VPS13B: variants seen among roughly 807,000 people sequenced by gnomAD.
VPS13B encodes the protein vacuolar protein sorting 13 homolog B, also known as intermembrane lipid transfer protein VPS13B.
A neutral mutation model predicts 426.4 loss-of-function variants in VPS13B; 285 were observed. That is an observed-to-expected ratio of 0.67 (90% confidence interval 0.61 to 0.74). The LOEUF is 0.74. Ranked by LOEUF, VPS13B falls within the 30% of genes least tolerant of loss-of-function variation. The pLI, the probability that VPS13B is intolerant of heterozygous loss-of-function variation, is 0.00. For synonymous variants in VPS13B, 1,676 were observed against 1,676.4 expected (o/e 1.00, Z 0.01); for missense variants, 4,537 against 4,782.6 (o/e 0.95, Z 1.51).
At chr8:99,802,621 C>T (rs1156248161) in intron 43 of VPS13B, among the ~76,000 whole-genome samples, 5 of 152,092 alleles carry the variant, frequency 3.3e-5, no homozygotes, top group African/African-American at 1.2e-4. Flanking sequence ...TGGCTTATTT[C>T]TAGCCTTTTT....
chr8:99,769,805 G>T lies in VPS13B; in HGVS notation c.7247+2835G>T, dbSNP rs76888847. The stretch of plus-strand genomic sequence containing the variant: ...AACTGAGACTTTAAGGAATGAATAG[G>T]CACTAACCAGTTCAATGGATGACAG... On this transcript the variant is annotated intron_variant, in intron 40 of 61. Transcript: ENST00000357162. Among the ~76,000 whole-genome samples, 247 of 152,154 alleles carry T rather than the reference G, an allele frequency of 1.6e-3. 2 individuals carry two copies. In the East Asian group the frequency reaches 0.043, roughly 27 times the overall value.
intron 3 of VPS13B, among the ~76,000 whole-genome samples, chr8:99,085,823 A>G (rs2132391321): frequency 6.6e-6 from 1 of 152,322 alleles, no homozygotes; most frequent in South Asian, 2.1e-4. Flanking sequence ...ATCAGCTGTT[A>G]GTCTGATGGG....
chr8:99,743,669 C>T (rs911289182), intron 39 of VPS13B, among the ~76,000 whole-genome samples: 10 of 152,124 alleles, frequency 6.6e-5, no homozygotes, highest in African/African-American at 2.4e-4. Context: ...AATAATGCAG[C>T]AGCGTACCTA....
At chr8:99,186,065 A>G (rs925010697) in intron 16 of VPS13B, among the ~76,000 whole-genome samples, 1 of 152,084 alleles carries the variant, frequency 6.6e-6, no homozygotes, top group Non-Finnish European at 1.5e-5. Flanking sequence ...TTTTCCCTAG[A>G]GAGTAATGTT....
chr8:99,787,879 A>G (rs1295091806), intron 43 of VPS13B, among the ~76,000 whole-genome samples: 1 of 152,120 alleles, frequency 6.6e-6, no homozygotes, highest in Non-Finnish European at 1.5e-5. Context: ...TCAAACATGT[A>G]TAATTTATGG....
chr8:99,778,525 G>T (rs1811853411), intron 41 of VPS13B, among the ~76,000 whole-genome samples, 157 bp from the exon 42 acceptor site: 1 of 152,146 alleles, frequency 6.6e-6, no homozygotes, highest in South Asian at 2.1e-4. Flanking sequence ...GGAATCCAAA[G>T]ATTATAATAT....
rs201380667 is a variant in VPS13B at position 99,374,160 on chromosome 8, C to CT, written c.2825-10038dup. 3.4e-4 allele frequency among the ~76,000 whole-genome samples: 49 copies of CT among 145,936 alleles called. 1 individual carries two copies. The highest frequency in any genetic ancestry group is 1.3e-4 in the African/African-American group (5 of 39,916). On this transcript the variant is annotated intron_variant, in intron 19 of 61. Transcript: ENST00000357162. ...CGTGATTTCCTTATATGTATTGTGTCTTTTTTTTTTCTTCTGGATGATTTA... is the reference window on the plus strand; with the variant it reads ...CGTGATTTCCTTATATGTATTGTGTCTTTTTTTTTTTCTTCTGGATGATTTA...
At chr8:99,670,517 G>A (rs139442178) in intron 35 of VPS13B, among the ~76,000 whole-genome samples, 11 of 152,038 alleles carry the variant, frequency 7.2e-5, no homozygotes, top group African/African-American at 2.7e-4. Flanking sequence ...CTTTTACCAA[G>A]TTGTAAGTAT....
intron 39 of VPS13B, among the ~76,000 whole-genome samples, chr8:99,760,221 G>T (rs1241625726): frequency 6.6e-6 from 1 of 152,064 alleles, no homozygotes; most frequent in Non-Finnish European, 1.5e-5. Flanking sequence ...GTGACCCTGT[G>T]ATCCACTTGC....
Position 99,747,420 on chromosome 8 carries a change from T to A in VPS13B, c.7051-19354T>A, listed in dbSNP as rs188529648. ...GATTAAGGATATATAGGTGAAAAAA[T>A]TCATAATTCTTTACATTCAAGTGAA... On this transcript the variant is annotated intron_variant, in intron 39 of 61. Coordinates refer to ENST00000357162, the MANE Select transcript of VPS13B (RefSeq NM_152564.5). Among the ~76,000 whole-genome samples, 1,131 of 152,120 alleles carry A rather than the reference T, an allele frequency of 7.4e-3. 10 individuals are homozygous for A. Among genetic ancestry groups the A allele is most frequent in the Middle Eastern group, 0.017 (5 of 294 alleles).
At chr8:99,512,634 T>G (rs1289010513) in intron 29 of VPS13B, among the ~76,000 whole-genome samples, 3 of 152,136 alleles carry the variant, frequency 2.0e-5, no homozygotes, top group Admixed American at 2.0e-4. Context: ...GAAAACACCA[T>G]GGAAACAAAA....
intron 3 of VPS13B, among the ~76,000 whole-genome samples, chr8:99,095,239 ATC>A (rs1465016232): frequency 2.0e-5 from 3 of 152,186 alleles, no homozygotes; most frequent in African/African-American, 7.2e-5. Context: ...GACTAAGAAT[ATC>A]TCTATAGTTG....
intron 35 of VPS13B, among the ~76,000 whole-genome samples, chr8:99,668,684 T>A (rs138485464): frequency 1.6e-4 from 25 of 152,186 alleles, no homozygotes; most frequent in African/African-American, 6.0e-4. Context: ...CTTTTCCCCT[T>A]GTACCCATTA....
chr8:99,740,989 T>G (rs1809690286), intron 39 of VPS13B, among the ~76,000 whole-genome samples: 1 of 152,158 alleles, frequency 6.6e-6, no homozygotes, highest in Admixed American at 6.5e-5. Context: ...ACCTTAAATG[T>G]AAATGGGCTA....
intron 39 of VPS13B, among the ~76,000 whole-genome samples, chr8:99,751,806 G>C (rs1191943639): frequency 6.6e-6 from 1 of 152,198 alleles, no homozygotes; most frequent in Non-Finnish European, 1.5e-5. Flanking sequence ...CTGGATCAGA[G>C]ATGAAACATA....
intron 40 of VPS13B, among the ~76,000 whole-genome samples, chr8:99,769,076 G>A (rs1361430438): frequency 6.6e-6 from 1 of 152,072 alleles, no homozygotes; most frequent in Non-Finnish European, 1.5e-5. Flanking sequence ...TAGAAATGTG[G>A]AGCCTTTAGG....
intron 19 of VPS13B, among the ~76,000 whole-genome samples, chr8:99,296,359 T>G (rs1820042378): frequency 6.6e-6 from 1 of 152,148 alleles, no homozygotes; most frequent in Non-Finnish European, 1.5e-5. Flanking sequence ...ATCTATGTAA[T>G]TAATGATAGA....
At chr8:99,097,755 A>T (rs13250549) in intron 4 of VPS13B, among the ~76,000 whole-genome samples, 111,735 of 152,022 alleles carry the variant, frequency 0.73, 41,800 homozygotes, top group South Asian at 0.87. Flanking sequence ...GATAGGTAAT[A>T]AAGATACTAA....
intron 2 of VPS13B, among the ~76,000 whole-genome samples, chr8:99,028,394 A>ACC (rs34858148): frequency 2.8e-4 from 32 of 114,678 alleles, no homozygotes; most frequent in South Asian, 1.1e-3. Context: ...CGGGGGGCTG[A>ACC]CCCCCCCCAC....
Sources: gnomAD v4.1 joint callset for allele counts (sites outside exome capture counted in the v4.1 genomes callset) on GRCh38, gnomAD v4.1.1 for gene constraint, MANE v1.5 for transcripts, NCBI Gene and HGNC (gene_info 2026-07-23, HGNC 2026-07-21) for gene names.